Variants in ANXA4 observed in about 807,000 individuals in gnomAD.
ANXA4 encodes annexin A4.
Under a neutral mutation model 49.8 loss-of-function variants are expected in ANXA4, and 39 were observed. The observed-to-expected ratio is 0.78, with a 90% CI of 0.61 to 1.02. The LOEUF is 1.02. Among genes scored for constraint, ANXA4 ranks in the 50% least tolerant of loss-of-function variants. The pLI, the probability that ANXA4 is intolerant of heterozygous loss-of-function variation, is 0.00. For synonymous variants in ANXA4, 134 were observed against 152.5 expected (o/e 0.88, Z 0.89); for missense variants, 360 against 410.1 (o/e 0.88, Z 1.05).
chr2:69,661,961 G>A (rs768476310), intron 2 of ANXA4, among the ~76,000 whole-genome samples: 8 of 152,148 alleles, frequency 5.3e-5, no homozygotes, highest in Admixed American at 2.6e-4. Flanking sequence ...AGATGTAGTC[G>A]AGGTGTTCTG....
At chr2:69,743,169 A>G (rs867602845) in intron 1 of ANXA4, among the ~76,000 whole-genome samples, 1 of 151,930 alleles carries the variant, frequency 6.6e-6, no homozygotes, top group Non-Finnish European at 1.5e-5. Flanking sequence ...CCACGTGCCT[A>G]TAGTCTCAGC....
intron 2 of ANXA4, among the ~76,000 whole-genome samples, chr2:69,664,816 A>G (rs1467381073): frequency 2.6e-5 from 4 of 152,114 alleles, no homozygotes; most frequent in Non-Finnish European, 4.4e-5. Flanking sequence ...AAGTAATGCT[A>G]TGTTGGCCAG....
chr2:69,764,144 G>C (rs1026041261), intron 1 of ANXA4, among the ~76,000 whole-genome samples: 6 of 152,194 alleles, frequency 3.9e-5, no homozygotes, highest in Admixed American at 3.9e-4. Context: ...CCTGGTGATA[G>C]AACAGACAAG....
chr2:69,809,062 A>G (rs188725225), intron 6 of ANXA4: 1 of 152,348 alleles, frequency 6.6e-6, no homozygotes, highest in East Asian at 1.9e-4. Context: ...AAAAATTAAC[A>G]CAGTTAATAA....
intron 2 of ANXA4, among the ~76,000 whole-genome samples, chr2:69,661,905 A>G (rs1272637199): frequency 2.0e-5 from 3 of 152,220 alleles, no homozygotes; most frequent in Non-Finnish European, 4.4e-5. Flanking sequence ...GATTGGAAGC[A>G]TGTTCTCTGA....
At chr2:69,806,849 A>T (rs1408751497) in intron 5 of ANXA4, among the ~76,000 whole-genome samples, 4 of 152,122 alleles carry the variant, frequency 2.6e-5, no homozygotes, top group Admixed American at 6.6e-5. Flanking sequence ...TGGAGGATGG[A>T]GGGTGGGAGG....
At chr2:69,741,273 A>G (rs1055535389), upstream of ANXA4, among the ~76,000 whole-genome samples, 3 of 152,174 alleles carry the variant, frequency 2.0e-5, no homozygotes, top group Non-Finnish European at 4.4e-5. Flanking sequence ...GCAAGCATTC[A>G]CTACGTGGCG....
rs116986899 is a variant in ANXA4, at chr2:69,704,034, T to C, written n.767-16740T>C. ...ATATCTTTCTGTTGAGATTTTCTTC[T>C]TGGCTATTCTTTCTTGTTTATTTCT... On this transcript the variant is annotated intron_variant and non_coding_transcript_variant, in intron 2 of 3. Coordinates refer to the ANXA4 transcript ENST00000418066. Among the ~76,000 whole-genome samples, 1,389 of 152,354 alleles carry C rather than the reference T, an allele frequency of 9.1e-3. 23 individuals are homozygous for C. Among genetic ancestry groups the C allele is most frequent in the East Asian group, 0.074 (386 of 5,192 alleles).
At chr2:69,723,136 AGCCGAGATCAT>A (rs1669865131) in intron 3 of ANXA4, among the ~76,000 whole-genome samples, 1 of 150,422 alleles carries the variant, frequency 6.6e-6, no homozygotes, top group Admixed American at 6.6e-5. Flanking sequence ...GGTTGCAGTG[AGCCGAGATCAT>A]GCCACTGTAC....
intron 2 of ANXA4, among the ~76,000 whole-genome samples, chr2:69,663,407 A>G (rs1041461864): frequency 4.0e-5 from 6 of 150,024 alleles, no homozygotes; most frequent in Non-Finnish European, 7.4e-5. Context: ...TAAAGATAGA[A>G]TCCAAAACAC....
rs547375397 is a variant in ANXA4 at position 69,650,536 on chromosome 2, C to G, written n.482-2462C>G. ...TGTCACCCAGGCTGGAGTGCAGTGGCATGATCATAACCTGAGGCTTTCAAG... is the reference window on the plus strand; with the variant it reads ...TGTCACCCAGGCTGGAGTGCAGTGGGATGATCATAACCTGAGGCTTTCAAG... On this transcript the variant is annotated intron_variant and non_coding_transcript_variant, in intron 1 of 3. Coordinates refer to the ANXA4 transcript ENST00000418066. Among the ~76,000 whole-genome samples, 9 of 152,066 alleles carry G rather than the reference C, an allele frequency of 5.9e-5. No homozygotes were observed. The East Asian group carries it at 1.7e-3, about 29-fold the overall frequency.
intron 1 of ANXA4, among the ~76,000 whole-genome samples, chr2:69,753,470 A>T (rs1670932458): frequency 6.6e-6 from 1 of 152,182 alleles, no homozygotes; most frequent in African/African-American, 2.4e-5. Flanking sequence ...GAATTTGAGA[A>T]CTTTCCTCAG....
In ANXA4 at chr2:69,710,821, G is replaced by A. The variant is rs76215712; in HGVS notation, n.767-9953G>A. Among the ~76,000 whole-genome samples, 447 of 152,286 alleles carry A rather than the reference G, an allele frequency of 2.9e-3. 2 individuals are homozygous for A. The highest frequency in any genetic ancestry group is 3.7e-3 in the Non-Finnish European group (254 of 68,026). ...AATACAAAGTGTTAGCAATGATATG[G>A]AGCAACTGGAATTCTCATACATTGC... On this transcript the variant is annotated intron_variant and non_coding_transcript_variant, in intron 2 of 3. Coordinates refer to the ANXA4 transcript ENST00000418066.
intron 1 of ANXA4, among the ~76,000 whole-genome samples, chr2:69,762,912 C>G (rs1375590664): frequency 6.6e-6 from 1 of 152,132 alleles, no homozygotes; most frequent in Admixed American, 6.6e-5. Flanking sequence ...TACTCTTCAT[C>G]CAGCTCCATC....
At chr2:69,821,709 C>G (rs1458198287) in intron 12 of ANXA4, among the ~76,000 whole-genome samples, 1 of 152,068 alleles carries the variant, frequency 6.6e-6, no homozygotes, top group African/African-American at 2.4e-5. Flanking sequence ...GTCTCGGCCT[C>G]CCAAAGTGCT....
intron 2 of ANXA4, among the ~76,000 whole-genome samples, chr2:69,689,601 T>G (rs1162404785): frequency 6.6e-6 from 1 of 152,238 alleles, no homozygotes; most frequent in Non-Finnish European, 1.5e-5. Context: ...TTAAGGTCGT[T>G]ATGTAGTTCT....
intron 2 of ANXA4, among the ~76,000 whole-genome samples, chr2:69,673,088 A>G (rs1677250772): frequency 6.6e-6 from 1 of 152,246 alleles, no homozygotes; most frequent in South Asian, 2.1e-4. Flanking sequence ...TAGTTCAACC[A>G]TTGTGGAAGA....
rs888187927 is a variant in ANXA4, at chr2:69,826,699, T to C, written c.*1184T>C. The C allele has an allele frequency of 1.3e-5, 2 of 150,748 alleles. No individual in the cohort carries two copies. Among genetic ancestry groups the C allele is most frequent in the African/African-American group, 2.4e-5 (1 of 40,848 alleles). The allele number at this position is 150,748 out of a possible 1,614,324, so 9.3% of individuals were successfully genotyped here. ...ACTCGGAGGCTGAGTCAGGGAGAAC[T>C]GCTTGAACCCAGGAGGCAGGAGGCA... On this transcript the variant is annotated 3_prime_UTR_variant, in exon 13 of 13. Coordinates refer to ENST00000394295, the MANE Select transcript of ANXA4 (RefSeq NM_001153.5).
intron 5 of ANXA4, 136 bp downstream of exon 5, chr2:69,806,634 G>A (rs1196018549): frequency 4.5e-6 from 3 of 665,582 alleles, no homozygotes; most frequent in Non-Finnish European, 5.3e-6. Context: ...TAAAGAAAAT[G>A]TGGTACATGT....
Sources: gnomAD v4.1 joint callset for allele counts (sites outside exome capture counted in the v4.1 genomes callset) on GRCh38, gnomAD v4.1.1 for gene constraint, MANE v1.5 for transcripts, NCBI Gene and HGNC (gene_info 2026-07-23, HGNC 2026-07-21) for gene names.